GDPD1: variants seen among roughly 807,000 people sequenced by gnomAD.
GDPD1 encodes glycerophosphodiester phosphodiesterase domain containing 1, also known as lysophospholipase D GDPD1.
Under a neutral mutation model 45.1 loss-of-function variants are expected in GDPD1, and 28 were observed. The ratio of observed to expected loss-of-function variants is 0.62; its 90% CI spans 0.46 to 0.85. The LOEUF (loss-of-function observed/expected upper bound fraction) is 0.85, where lower values mean the gene tolerates loss of function less well. GDPD1 is among the 40% of genes least tolerant of loss of function. The pLI is 0.00. For synonymous variants in GDPD1, 139 were observed against 131.4 expected, an observed-to-expected ratio of 1.06 and a Z score of -0.40; for missense variants, 256 against 364.8, an observed-to-expected ratio of 0.70 and a Z score of 2.43.
chr17:59,261,991 C>G (rs1474336646), intron 6 of GDPD1, among the ~76,000 whole-genome samples: 4 of 132,732 alleles, frequency 3.0e-5, no homozygotes, highest in Non-Finnish European at 6.1e-5. Flanking sequence ...GATCTCGGCT[C>G]ACTGCAAGCT....
At chr17:59,252,290 G>A (rs1461088566) in intron 4 of GDPD1, among the ~76,000 whole-genome samples, 1 of 151,728 alleles carries the variant, frequency 6.6e-6, no homozygotes, top group South Asian at 2.1e-4. Context: ...TGCTTCTGTT[G>A]TCCAGTGGCA....
intron 2 of GDPD1, among the ~76,000 whole-genome samples, chr17:59,235,637 T>C (rs933597215): frequency 6.6e-6 from 1 of 151,938 alleles, no homozygotes. Flanking sequence ...GCCAACGTGG[T>C]GAAACCCCAT....
chr17:59,253,576 G>A (rs1044350717), intron 4 of GDPD1, among the ~76,000 whole-genome samples: 3 of 151,964 alleles, frequency 2.0e-5, no homozygotes, highest in East Asian at 1.9e-4. Flanking sequence ...TCATTCTCTC[G>A]CTGTTAGATA....
chr17:59,264,116 A>G (rs1319158381), intron 6 of GDPD1, among the ~76,000 whole-genome samples: 1 of 152,216 alleles, frequency 6.6e-6, no homozygotes. Context: ...CTCCTGTCTC[A>G]GCCTCCTGAG....
intron 8 of GDPD1, among the ~76,000 whole-genome samples, chr17:59,271,638 A>AT (rs199951816): frequency 3.7e-5 from 5 of 136,646 alleles, no homozygotes; most frequent in East Asian, 4.1e-4. Context: ...ATTTTATTTT[A>AT]TTTATTTATT....
intron 7 of GDPD1, among the ~76,000 whole-genome samples, chr17:59,269,821 A>G (rs530811457): frequency 2.0e-5 from 3 of 152,250 alleles, no homozygotes; most frequent in African/African-American, 7.2e-5. Context: ...AGACTCTGCC[A>G]ATAAATAAAT....
At chr17:59,226,468 T>C (rs1019335069) in intron 1 of GDPD1, among the ~76,000 whole-genome samples, 3 of 152,200 alleles carry the variant, frequency 2.0e-5, no homozygotes, top group African/African-American at 7.2e-5. Context: ...GTATCTTCCC[T>C]CTGCTAAAGT....
chr17:59,234,191 C>CA (rs967183293), intron 1 of GDPD1, among the ~76,000 whole-genome samples: 1,809 of 147,978 alleles, frequency 0.012, 25 homozygotes, highest in African/African-American at 0.041. Flanking sequence ...ACTAAAAATA[C>CA]AAAAAAAAAA....
intron 1 of GDPD1, among the ~76,000 whole-genome samples, chr17:59,221,274 C>T (rs1053138404): frequency 2.0e-5 from 3 of 151,998 alleles, no homozygotes; most frequent in African/African-American, 7.3e-5. Context: ...CCGTCCCACC[C>T]CCACGTTCCG....
At chr17:59,220,815 G>A (rs957885336) in intron 1 of GDPD1, 64 bp downstream of exon 1, 4 of 1,556,964 alleles carry the variant, frequency 2.6e-6, no homozygotes, top group African/African-American at 1.4e-5. Context: ...TTGCGGCTCC[G>A]CAAAAGGCAG....
chr17:59,273,486 A>G (rs906518461), intron 9 of GDPD1, among the ~76,000 whole-genome samples, 165 bp from the exon 10 acceptor site: 1 of 152,168 alleles, frequency 6.6e-6, no homozygotes, highest in African/African-American at 2.4e-5. Context: ...TCATTCCTGT[A>G]AGGAACAAAG....
At chr17:59,266,387 CAAAAAAA>C (rs540974713) in intron 6 of GDPD1, among the ~76,000 whole-genome samples, 5 of 64,748 alleles carry the variant, frequency 7.7e-5, no homozygotes, top group Non-Finnish European at 1.4e-4. Context: ...GACTCCGTCT[CAAAAAAA>C]AAAAAAAAAA....
In GDPD1 at chr17:59,274,680, A is replaced by G. The variant is rs1417261696; in HGVS notation, c.*907A>G. Among the ~76,000 whole-genome samples, 1 of 150,374 alleles carries G rather than the reference A, an allele frequency of 6.7e-6. No homozygotes were observed. Among genetic ancestry groups the G allele is most frequent in the Non-Finnish European group, 1.5e-5 (1 of 67,566 alleles). On this transcript the variant is annotated 3_prime_UTR_variant, in exon 10 of 10. Coordinates refer to ENST00000284116, the MANE Select transcript of GDPD1 (RefSeq NM_182569.4). ...TTAGTCCCAGCTACTCGGGAGGCTG[A>G]GTCAGGAGAATGGCGTGAACCCGGG...
chr17:59,273,132 T>TA (rs2047456371), intron 9 of GDPD1: 1 of 184,094 alleles, frequency 5.4e-6, no homozygotes, highest in Non-Finnish European at 9.1e-6. Context: ...TTTACTTTTT[T>TA]CTTTTTTTTT....
intron 4 of GDPD1, among the ~76,000 whole-genome samples, chr17:59,253,146 A>C (rs796138622): frequency 3.9e-5 from 6 of 152,266 alleles, no homozygotes; most frequent in African/African-American, 1.4e-4. Flanking sequence ...AAAACTATTT[A>C]AATAGTGGCC....
At chr17:59,245,797 C>T (rs771863519) in intron 3 of GDPD1, among the ~76,000 whole-genome samples, 68 of 151,944 alleles carry the variant, frequency 4.5e-4, no homozygotes, top group Non-Finnish European at 7.4e-4. Flanking sequence ...TCAGGCTAGG[C>T]GACATAGCAA....
chr17:59,222,505 C>CTTTTTTTTTTTTTTTT (rs149536097), intron 1 of GDPD1, among the ~76,000 whole-genome samples: 1,113 of 41,742 alleles, frequency 0.027, 220 homozygotes, highest in Middle Eastern at 0.088. Flanking sequence ...AGTGCCCAGC[C>CTTTTTTTTTTTTTTTT]TTTTTTTTTT....
At chr17:59,233,817 G>C (rs1035168311) in intron 1 of GDPD1, among the ~76,000 whole-genome samples, 18 of 152,114 alleles carry the variant, frequency 1.2e-4, no homozygotes, top group African/African-American at 4.3e-4. Context: ...TGAAGAGAGT[G>C]GCTCCTTTGT....
intron 3 of GDPD1, among the ~76,000 whole-genome samples, chr17:59,245,785 G>A (rs2047206128): frequency 6.6e-6 from 1 of 152,080 alleles, no homozygotes. Context: ...AGGAGTTTGA[G>A]ATCAGGCTAG....
Sources: gnomAD v4.1 joint callset for allele counts (sites outside exome capture counted in the v4.1 genomes callset) on GRCh38, gnomAD v4.1.1 for gene constraint, MANE v1.5 for transcripts, NCBI Gene and HGNC (gene_info 2026-07-23, HGNC 2026-07-21) for gene names.